The following CACNA2D3 variants were observed in gnomAD, a reference collection of about 807,000 sequenced individuals.
CACNA2D3 encodes the protein voltage-dependent calcium channel subunit alpha-2/delta-3.
Under a neutral mutation model 160.6 loss-of-function variants are expected in CACNA2D3, and 60 were observed. The ratio of observed to expected loss-of-function variants is 0.37; its 90% CI spans 0.30 to 0.46. The LOEUF is 0.46. Ranked by LOEUF, CACNA2D3 falls within the 20% of genes least tolerant of loss-of-function variation. The pLI, the probability that CACNA2D3 is intolerant of heterozygous loss-of-function variation, is 1.00. For missense variants in CACNA2D3, 1,205 were observed against 1,365.0 expected, an observed-to-expected ratio of 0.88 and a Z score of 1.85; for synonymous variants, 558 against 492.9, an observed-to-expected ratio of 1.13 and a Z score of -1.75.
intron 27 of CACNA2D3, among the ~76,000 whole-genome samples, chr3:54,931,757 T>A (rs535488027): frequency 1.3e-4 from 20 of 152,324 alleles, no homozygotes; most frequent in Admixed American, 7.8e-4. Context: ...TTTTCTAATA[T>A]GTTAGTCTAT....
chr3:54,339,019 C>T (rs115185889), intron 3 of CACNA2D3, among the ~76,000 whole-genome samples: 2 of 152,120 alleles, frequency 1.3e-5, no homozygotes, highest in African/African-American at 2.4e-5. Flanking sequence ...TCAAAGCAAC[C>T]GGTATTAATC....
intron 3 of CACNA2D3, among the ~76,000 whole-genome samples, chr3:54,338,720 G>A (rs1704451307): frequency 6.6e-6 from 1 of 152,114 alleles, no homozygotes; most frequent in Non-Finnish European, 1.5e-5. Flanking sequence ...TCTGCCTCTT[G>A]ATCGCTTTGT....
chr3:54,451,007 C>A (rs116235105), intron 4 of CACNA2D3, among the ~76,000 whole-genome samples: 149 of 152,138 alleles, frequency 9.8e-4, no homozygotes, highest in African/African-American at 3.5e-3. Flanking sequence ...ATAAAAGAGT[C>A]ATGGATACCA....
intron 17 of CACNA2D3, among the ~76,000 whole-genome samples, chr3:54,859,595 G>A (rs150718528): frequency 1.2e-4 from 19 of 152,260 alleles, no homozygotes; most frequent in Non-Finnish European, 2.5e-4. Context: ...CCTCCATTAT[G>A]TAGCATGATA....
At chr3:54,696,436 C>T (rs568906192) in intron 11 of CACNA2D3, among the ~76,000 whole-genome samples, 24 of 152,348 alleles carry the variant, frequency 1.6e-4, no homozygotes, top group Non-Finnish European at 3.4e-4. Context: ...AGTTTGACTT[C>T]TGTCATCAGC....
intron 2 of CACNA2D3, among the ~76,000 whole-genome samples, chr3:54,206,985 C>G (rs1002024049): frequency 3.3e-5 from 5 of 152,218 alleles, no homozygotes; most frequent in African/African-American, 1.2e-4. Flanking sequence ...CCTATAGCCC[C>G]TGACAGGGCA....
chr3:54,745,827 T>C (rs1304427800), intron 11 of CACNA2D3, among the ~76,000 whole-genome samples: 1 of 152,188 alleles, frequency 6.6e-6, no homozygotes, highest in Non-Finnish European at 1.5e-5. Flanking sequence ...AATTTTTTTT[T>C]CAATACCGCA....
At chr3:55,051,153 G>C (rs898710049) in intron 35 of CACNA2D3, among the ~76,000 whole-genome samples, 1 of 152,200 alleles carries the variant, frequency 6.6e-6, no homozygotes, top group African/African-American at 2.4e-5. Flanking sequence ...GTGAGGAACT[G>C]TGTTCCTTTG....
intron 11 of CACNA2D3, among the ~76,000 whole-genome samples, chr3:54,725,768 T>C (rs1701264248): frequency 6.6e-6 from 1 of 152,110 alleles, no homozygotes; most frequent in South Asian, 2.1e-4. Context: ...TATCTCAAAA[T>C]AACGAGAGCT....
intron 2 of CACNA2D3, among the ~76,000 whole-genome samples, chr3:54,212,373 A>G (rs1241112018): frequency 6.6e-6 from 1 of 152,160 alleles, no homozygotes; most frequent in African/African-American, 2.4e-5. Context: ...GGTTATAGGT[A>G]GATTTAAACA....
At chr3:54,129,808 G>A (rs1311626476) in intron 2 of CACNA2D3, among the ~76,000 whole-genome samples, 3 of 152,170 alleles carry the variant, frequency 2.0e-5, no homozygotes, top group African/African-American at 7.2e-5. Context: ...TGCCATTACC[G>A]TAATACTTAT....
intron 13 of CACNA2D3, among the ~76,000 whole-genome samples, chr3:54,814,836 C>G (rs1222023096): frequency 6.6e-6 from 1 of 152,186 alleles, no homozygotes; most frequent in Non-Finnish European, 1.5e-5. Flanking sequence ...GAAAGGACAG[C>G]TCTCCTGTCA....
At chr3:54,770,829 T>C (rs903238258) in intron 13 of CACNA2D3, among the ~76,000 whole-genome samples, 3 of 152,144 alleles carry the variant, frequency 2.0e-5, no homozygotes, top group Admixed American at 6.5e-5. Flanking sequence ...CAACAAATTG[T>C]GAGTATGAAA....
intron 4 of CACNA2D3, among the ~76,000 whole-genome samples, chr3:54,402,420 G>A (rs1699485142): frequency 6.6e-6 from 1 of 152,090 alleles, no homozygotes; most frequent in Non-Finnish European, 1.5e-5. Flanking sequence ...CACATAGGCT[G>A]AAAGTAAAGG....
At chr3:54,447,021 A>G (rs551910951) in intron 4 of CACNA2D3, among the ~76,000 whole-genome samples, 150 of 150,840 alleles carry the variant, frequency 9.9e-4, no homozygotes, top group African/African-American at 3.5e-3. Context: ...CTTGTTAACT[A>G]CATAATAGGC....
intron 2 of CACNA2D3, among the ~76,000 whole-genome samples, chr3:54,225,088 T>A (rs1701646825): frequency 6.6e-6 from 1 of 152,078 alleles, no homozygotes; most frequent in Admixed American, 6.6e-5. Context: ...TATCTCCTAA[T>A]GCTATCCCTC....
intron 9 of CACNA2D3, among the ~76,000 whole-genome samples, chr3:54,598,140 T>TACA (rs1702991294): frequency 6.9e-6 from 1 of 145,852 alleles, no homozygotes; most frequent in East Asian, 2.0e-4. Context: ...AAAAAAAAAA[T>TACA]ACAACAACAA....
intron 2 of CACNA2D3, among the ~76,000 whole-genome samples, chr3:54,227,552 CT>C (rs1280930268): frequency 2.8e-5 from 3 of 105,610 alleles, no homozygotes; most frequent in African/African-American, 1.1e-4. Flanking sequence ...TTGTCCATGG[CT>C]TTTTTGGGGA....
intron 9 of CACNA2D3, among the ~76,000 whole-genome samples, chr3:54,616,110 A>G (rs1265871668): frequency 1.3e-5 from 2 of 152,122 alleles, no homozygotes. Flanking sequence ...AAGATTGGGG[A>G]CCATAGGCTT....
Sources: allele counts gnomAD v4.1 joint callset (sites outside exome capture counted in the v4.1 genomes callset), GRCh38; gene constraint gnomAD v4.1.1; transcripts MANE v1.5; gene names NCBI Gene and HGNC (gene_info 2026-07-23, HGNC 2026-07-21).